Variants in PKHD1 observed in about 807,000 individuals in gnomAD.
PKHD1 encodes the protein fibrocystin.
In PKHD1, 291 loss-of-function variants were observed where a neutral mutation model predicts 412.0. The observed-to-expected ratio is 0.71, with a 90% CI of 0.64 to 0.78. The LOEUF (loss-of-function observed/expected upper bound fraction) is 0.78, where lower values mean the gene tolerates loss of function less well. Ranked by LOEUF, PKHD1 falls within the 30% of genes least tolerant of loss-of-function variation. The probability of loss-of-function intolerance (pLI) is 0.00; values close to 1 mark genes in which losing one functional copy is unlikely to be tolerated. For missense variants in PKHD1, 4,825 were observed against 4,950.7 expected (o/e 0.97, Z 0.76); for synonymous variants, 1,777 against 1,821.5 (o/e 0.98, Z 0.62).
chr6:51,842,718 G>A (rs1405262620), intron 50 of PKHD1, among the ~76,000 whole-genome samples: 1 of 152,036 alleles, frequency 6.6e-6, no homozygotes, highest in Non-Finnish European at 1.5e-5. Context: ...CCTCCTCCTG[G>A]CCACCCCCCT....
intron 60 of PKHD1, among the ~76,000 whole-genome samples, chr6:51,714,828 G>A: frequency 6.6e-6 from 1 of 151,954 alleles, no homozygotes. Context: ...GCCCTCTGTT[G>A]AAGTTTCAAT....
chr6:51,797,787 C>T (rs1353330864), intron 52 of PKHD1, among the ~76,000 whole-genome samples: 9 of 152,110 alleles, frequency 5.9e-5, no homozygotes, highest in Non-Finnish European at 1.3e-4. Context: ...TTAATTGGGG[C>T]ATTTAGCCCA....
intron 20 of PKHD1, 27 bp downstream of exon 20, chr6:52,054,011 C>T (rs1279106956): frequency 8.1e-6 from 13 of 1,613,250 alleles, no homozygotes; most frequent in Admixed American, 3.3e-5. Flanking sequence ...ACTGAATTCC[C>T]ACCACGCCTC....
intron 60 of PKHD1, among the ~76,000 whole-genome samples, chr6:51,720,113 T>G (rs1334239092): frequency 6.6e-6 from 1 of 152,142 alleles, no homozygotes; most frequent in Admixed American, 6.5e-5. Context: ...TCCATTATGC[T>G]TTTCTATCTT....
Position 52,059,333 on chromosome 6 carries a change from G to A in PKHD1, c.1233+595C>T, listed in dbSNP as rs148524885. ...CAGACTGGAGTGCAGTGGCAGCCACGACTGCCCAAGGCTCAGGTGATCCTC... is the reference window on the plus strand; with the variant it reads ...CAGACTGGAGTGCAGTGGCAGCCACAACTGCCCAAGGCTCAGGTGATCCTC... On this transcript the variant is annotated intron_variant, in intron 15 of 66. Coordinates refer to ENST00000371117, the MANE Select transcript of PKHD1 (RefSeq NM_138694.4). 3.8e-3 allele frequency among the ~76,000 whole-genome samples: 480 copies of A among 127,348 alleles called. 3 individuals carry two copies. The highest frequency in any genetic ancestry group is 0.013 in the African/African-American group (458 of 34,404). 83.5% of individuals were successfully genotyped at this position (127,348 alleles called of 152,430 possible).
intron 24 of PKHD1, 136 bp downstream of exon 24, chr6:52,045,868 T>A: frequency 1.4e-6 from 1 of 698,914 alleles, no homozygotes; most frequent in Non-Finnish European, 2.5e-6. Context: ...AGAAAGTTCA[T>A]AGAATCCCTT....
chr6:51,639,231 G>C (rs561759388), intron 63 of PKHD1, among the ~76,000 whole-genome samples: 1 of 151,950 alleles, frequency 6.6e-6, no homozygotes, highest in Non-Finnish European at 1.5e-5. Flanking sequence ...TATAAAATAC[G>C]CTATTATCTA....
chr6:51,827,207 C>A (rs897603789), intron 52 of PKHD1, among the ~76,000 whole-genome samples: 26 of 151,942 alleles, frequency 1.7e-4, no homozygotes, highest in African/African-American at 6.3e-4. Flanking sequence ...AAATAATAAG[C>A]CATTGGAAAG....
intron 36 of PKHD1, among the ~76,000 whole-genome samples, chr6:51,946,567 T>C (rs1789480301): frequency 6.6e-6 from 1 of 152,210 alleles, no homozygotes. Context: ...CTTTATTCCA[T>C]ACTTTATAGA....
At chr6:51,704,886 A>T (rs1317923673) in intron 60 of PKHD1, among the ~76,000 whole-genome samples, 1 of 151,958 alleles carries the variant, frequency 6.6e-6, no homozygotes, top group East Asian at 1.9e-4. Flanking sequence ...TTAAGAGGAA[A>T]AGGAGAAGGC....
chr6:51,848,119 T>C, intron 49 of PKHD1, 149 bp from the exon 50 acceptor site: 1 of 663,944 alleles, frequency 1.5e-6, no homozygotes, highest in East Asian at 2.7e-5. Flanking sequence ...GATTGTACTT[T>C]TCTTGTGGGA....
intron 50 of PKHD1, among the ~76,000 whole-genome samples, chr6:51,847,260 AT>A (rs981973021): frequency 0.032 from 3,247 of 99,984 alleles, 59 homozygotes; most frequent in African/African-American, 0.091. Flanking sequence ...CATGCCCAGC[AT>A]TTTTTTTTTT....
At chr6:51,737,505 T>C (rs1481306287) in intron 60 of PKHD1, among the ~76,000 whole-genome samples, 2 of 152,244 alleles carry the variant, frequency 1.3e-5, no homozygotes, top group Non-Finnish European at 1.5e-5. Context: ...CTTGTGGAAA[T>C]ATATTCAGTG....
intron 52 of PKHD1, among the ~76,000 whole-genome samples, chr6:51,797,012 C>T (rs544345286): frequency 3.9e-5 from 6 of 152,112 alleles, no homozygotes; most frequent in South Asian, 4.2e-4. Context: ...CAGGGTTTCA[C>T]CGTGTTGCCC....
rs577399540 is a variant in PKHD1 at position 52,028,126 on chromosome 6, A to G, written c.3560+30T>C. 6.9e-6 allele frequency: 11 copies of G among 1,602,492 alleles called. No homozygotes were observed. In the South Asian group the frequency reaches 1.1e-4, roughly 16 times the overall value. ...AGCTGAATGCTAGACCATCAAACAAATCCAAAATTAATGCAAGTGGTCACC... is the reference window on the plus strand; with the variant it reads ...AGCTGAATGCTAGACCATCAAACAAGTCCAAAATTAATGCAAGTGGTCACC... On this transcript the variant is annotated intron_variant, in intron 30 of 66. Transcript: ENST00000371117.
chr6:51,679,643 G>A (rs978105729), intron 60 of PKHD1, among the ~76,000 whole-genome samples: 1 of 151,992 alleles, frequency 6.6e-6, no homozygotes, highest in Non-Finnish European at 1.5e-5. Context: ...TTCCAAGGAA[G>A]CCTGTGGTAG....
intron 37 of PKHD1, among the ~76,000 whole-genome samples, chr6:51,922,932 C>T (rs1784926204): frequency 6.6e-6 from 1 of 152,208 alleles, no homozygotes; most frequent in Non-Finnish European, 1.5e-5. Flanking sequence ...TCGGCTCACA[C>T]TCCATGGGCT....
At chr6:51,765,905 C>T (rs1788913007) in intron 55 of PKHD1, among the ~76,000 whole-genome samples, 2 of 152,040 alleles carry the variant, frequency 1.3e-5, no homozygotes, top group South Asian at 2.1e-4. Context: ...ACATATAACC[C>T]ACTTTGCTTA....
At chr6:51,912,320 A>T (rs375902049) in intron 38 of PKHD1, 46 bp downstream of exon 38, 1 of 1,193,874 alleles carries the variant, frequency 8.4e-7, no homozygotes, top group South Asian at 1.2e-5. Flanking sequence ...TACAGTTAAG[A>T]TCTCATCTTC....
Sources: allele counts gnomAD v4.1 joint callset (sites outside exome capture counted in the v4.1 genomes callset), GRCh38; gene constraint gnomAD v4.1.1; transcripts MANE v1.5; gene names NCBI Gene and HGNC (gene_info 2026-07-23, HGNC 2026-07-21).